QSOX1: variants seen among roughly 807,000 people sequenced by gnomAD.
The protein encoded by QSOX1 is quiescin sulfhydryl oxidase 1.
QSOX1 carries 40 observed loss-of-function variants against 76.1 expected under a neutral mutation model. The ratio of observed to expected loss-of-function variants is 0.53; its 90% CI spans 0.41 to 0.68. QSOX1 has a LOEUF of 0.68. Ranked by LOEUF, QSOX1 falls within the 30% of genes least tolerant of loss-of-function variation. The pLI is 0.00. For synonymous variants in QSOX1, 392 were observed against 413.1 expected (o/e 0.95, Z 0.62); for missense variants, 931 against 974.3 (o/e 0.96, Z 0.59).
intron 7 of QSOX1, 67 bp downstream of exon 7, chr1:180,184,117 A>C: frequency 6.5e-7 from 1 of 1,545,680 alleles, no homozygotes; most frequent in South Asian, 1.2e-5. Flanking sequence ...ACACCTTCAC[A>C]CCCACGCCCT....
chr1:180,192,141 G>A (rs1663335861), intron 10 of QSOX1, among the ~76,000 whole-genome samples: 1 of 152,182 alleles, frequency 6.6e-6, no homozygotes, highest in Non-Finnish European at 1.5e-5. Flanking sequence ...TTCAACATAG[G>A]AATTTGGGGG....
rs145790905 is a variant in QSOX1, at chr1:180,175,886, G to C, written c.413-45G>C. 3.2e-3 allele frequency: 4,670 copies of C among 1,472,978 alleles called. 26 individuals carry two copies. Among genetic ancestry groups the C allele is most frequent in the South Asian group, 0.012 (994 of 82,524 alleles). The allele number at this position is 1,472,978 out of a possible 1,614,324, so 91.2% of individuals were successfully genotyped here. A position where few individuals can be genotyped will look rare whatever the true frequency, so the allele number is the denominator to read the frequency against. On this transcript the variant is annotated intron_variant, in intron 3 of 11. Transcript: ENST00000367602. ...AGGTGGCCAGTGTGCTGTGGAAGCA[G>C]CTCTGCTCTCCTGACACTCCGCTCA...
At chr1:180,156,496 G>C (rs780375213) in intron 1 of QSOX1, among the ~76,000 whole-genome samples, 5 of 152,196 alleles carry the variant, frequency 3.3e-5, no homozygotes, top group Non-Finnish European at 7.3e-5. Flanking sequence ...CAGTGCCTTT[G>C]TAGATGTTAG....
chr1:180,177,868 GTTT>G (rs1376810621), intron 4 of QSOX1, among the ~76,000 whole-genome samples: 49 of 97,762 alleles, frequency 5.0e-4, no homozygotes, highest in African/African-American at 1.7e-3. Flanking sequence ...TGTTTGTTTT[GTTT>G]TGTTTTGGAT....
chr1:180,161,874 G>A (rs935956874), intron 1 of QSOX1, among the ~76,000 whole-genome samples: 2 of 152,228 alleles, frequency 1.3e-5, no homozygotes, highest in East Asian at 1.9e-4. Context: ...CAGTCCAATC[G>A]TATTATCTCG....
intron 2 of QSOX1, among the ~76,000 whole-genome samples, chr1:180,174,113 C>T (rs1424789183): frequency 1.3e-5 from 2 of 152,204 alleles, no homozygotes; most frequent in African/African-American, 4.8e-5. Context: ...GAAAAGTGGC[C>T]CCGAGGCTAG....
intron 10 of QSOX1, 38 bp downstream of exon 10, chr1:180,190,618 C>T: frequency 1.3e-6 from 2 of 1,583,680 alleles, no homozygotes; most frequent in Non-Finnish European, 1.7e-6. Flanking sequence ...GTGCCTCCAA[C>T]CCTGCTCTGT....
chr1:180,193,074 C>T (rs367775324), intron 10 of QSOX1, among the ~76,000 whole-genome samples: 8 of 151,854 alleles, frequency 5.3e-5, no homozygotes, highest in South Asian at 2.1e-4. Flanking sequence ...TTGTTGGATT[C>T]GGCTGAAGAG....
At chr1:180,190,603 C>G (rs1346754845) in intron 10 of QSOX1, 23 bp downstream of exon 10, 11 of 1,602,962 alleles carry the variant, frequency 6.9e-6, no homozygotes, top group Non-Finnish European at 9.4e-6. Context: ...CCCGTTCACC[C>G]CACTGTGCCT....
rs1663399984 is a variant in QSOX1, at chr1:180,194,251, GTGCACTACTTCTTCGGC to G, written c.1331_1347del (p.His444ProfsTer5). 3.7e-6 allele frequency: 6 copies of G among 1,613,320 alleles called. No homozygotes were observed. The highest frequency in any genetic ancestry group is 5.1e-6 in the Non-Finnish European group (6 of 1,179,572). ...GGTCCTCCCAGCCATCCGAGGCTAC[GTGCACTACTTCTTCGGC>G]TGCCGAGACTGCGCTAGCCACTTCG... On this transcript the variant is annotated frameshift_variant, in exon 11 of 12. Coordinates refer to ENST00000367602, the MANE Select transcript of QSOX1 (RefSeq NM_002826.5). LOFTEE classifies it high-confidence loss of function.
chr1:180,189,823 T>TC, intron 9 of QSOX1, 149 bp downstream of exon 9: 1 of 843,460 alleles, frequency 1.2e-6, no homozygotes, highest in Non-Finnish European at 1.8e-6. Flanking sequence ...AATAAATGAC[T>TC]ATTGATTGAG....
chr1:180,167,868 A>G (rs546911534), intron 2 of QSOX1, among the ~76,000 whole-genome samples: 2 of 152,314 alleles, frequency 1.3e-5, no homozygotes, highest in South Asian at 2.1e-4. Context: ...AATTGAGAAT[A>G]TTCAAACAGG....
At chr1:180,167,468 A>T (rs2149232144) in intron 2 of QSOX1, among the ~76,000 whole-genome samples, 1 of 152,300 alleles carries the variant, frequency 6.6e-6, no homozygotes, top group South Asian at 2.1e-4. Context: ...AGCTGGGGGT[A>T]GGGGCAGCCA....
chr1:180,191,645 A>G (rs866957341), intron 10 of QSOX1, among the ~76,000 whole-genome samples: 6 of 152,252 alleles, frequency 3.9e-5, no homozygotes, highest in African/African-American at 1.4e-4. Context: ...TTCAGCCATG[A>G]TGACGAATGC....
At chr1:180,158,068 A>G (rs1662411358) in intron 1 of QSOX1, among the ~76,000 whole-genome samples, 1 of 152,168 alleles carries the variant, frequency 6.6e-6, no homozygotes, top group East Asian at 1.9e-4. Flanking sequence ...GACAATCCTT[A>G]CCCGGGAAAA....
At chr1:180,165,450 T>C (rs995525534) in intron 1 of QSOX1, among the ~76,000 whole-genome samples, 20 of 152,156 alleles carry the variant, frequency 1.3e-4, no homozygotes, top group African/African-American at 4.8e-4. Context: ...CCAAAAACCC[T>C]CCTCTCCAGG....
chr1:180,175,892 C>A, intron 3 of QSOX1, 39 bp from the exon 4 acceptor site: 1 of 1,504,650 alleles, frequency 6.6e-7, no homozygotes, highest in Non-Finnish European at 9.1e-7. Flanking sequence ...AGCAGCTCTG[C>A]TCTCCTGACA....
chr1:180,190,833 C>A (rs977109895), intron 10 of QSOX1, among the ~76,000 whole-genome samples: 2 of 152,178 alleles, frequency 1.3e-5, no homozygotes, highest in Non-Finnish European at 2.9e-5. Context: ...GCCCCGGGAG[C>A]TCTGGGGCTG....
At chr1:180,192,340 T>A (rs887149813) in intron 10 of QSOX1, among the ~76,000 whole-genome samples, 1 of 152,114 alleles carries the variant, frequency 6.6e-6, no homozygotes, top group Admixed American at 6.5e-5. Flanking sequence ...TGGAGGTTGG[T>A]GTTGGCATTT....
Sources: gnomAD v4.1 joint callset for allele counts (sites outside exome capture counted in the v4.1 genomes callset) on GRCh38, gnomAD v4.1.1 for gene constraint, MANE v1.5 for transcripts, NCBI Gene and HGNC (gene_info 2026-07-23, HGNC 2026-07-21) for gene names.